Variants in RUFY1 observed in about 807,000 individuals in gnomAD.
The protein encoded by RUFY1 is RUN and FYVE domain containing 1, also known as RUN and FYVE domain-containing protein 1.
A neutral mutation model predicts 94.6 loss-of-function variants in RUFY1; 54 were observed. The observed-to-expected ratio is 0.57, with a 90% CI of 0.46 to 0.72. The LOEUF (loss-of-function observed/expected upper bound fraction) is 0.72, where lower values mean the gene tolerates loss of function less well. Ranked by LOEUF, RUFY1 falls within the 30% of genes least tolerant of loss-of-function variation. RUFY1 has a pLI of 0.00. For synonymous variants in RUFY1, 396 were observed against 347.3 expected (o/e 1.14, Z -1.56); for missense variants, 883 against 883.9 (o/e 1.00, Z 0.01).
chr5:179,603,972 G>C (rs1388255468), intron 15 of RUFY1, among the ~76,000 whole-genome samples: 1 of 152,174 alleles, frequency 6.6e-6, no homozygotes, highest in East Asian at 1.9e-4. Flanking sequence ...CAGGAGAATC[G>C]CTTGAACCTG....
chr5:179,553,526 G>A (rs532339008), intron 1 of RUFY1, among the ~76,000 whole-genome samples: 1 of 152,164 alleles, frequency 6.6e-6, no homozygotes, highest in East Asian at 1.9e-4. Flanking sequence ...GCTCACACCT[G>A]TAATCCCAGC....
Position 179,550,798 on chromosome 5 carries a change from C to G in RUFY1, c.229C>G (p.Leu77Val). The part of the protein sequence containing the change: ...LTLARRATGN[L>V]SASCGSALRA... Reference sequence around the variant, plus strand: ...CCTGGCACGCAGGGCCACCGGGAACCTGTCGGCGAGCTGCGGGAGCGCGCT... The same window carrying G: ...CCTGGCACGCAGGGCCACCGGGAACGTGTCGGCGAGCTGCGGGAGCGCGCT... The change falls in exon 1 of 18, where the codon CTG becomes GTG. Residue 77 changes from leucine to valine, a missense_variant. Physicochemically the swap from Leu to Val is conservative, Grantham distance 32. Transcript: ENST00000319449. 1 of 1,336,032 alleles carries G rather than the reference C, an allele frequency of 7.5e-7. No individual in the cohort carries two copies. The highest frequency in any genetic ancestry group is 3.2e-5 in the East Asian group (1 of 30,874). The allele number at this position is 1,336,032 out of a possible 1,614,324, so 82.8% of individuals were successfully genotyped here.
chr5:179,593,990 A>G (rs938497340), intron 11 of RUFY1, among the ~76,000 whole-genome samples: 24 of 152,194 alleles, frequency 1.6e-4, no homozygotes, highest in African/African-American at 5.3e-4. Flanking sequence ...GTTTATAGCA[A>G]GCATGGAGGA....
chr5:179,595,072 G>A (rs892488750), intron 12 of RUFY1, 109 bp downstream of exon 12: 25 of 762,480 alleles, frequency 3.3e-5, no homozygotes, highest in African/African-American at 2.6e-4. Context: ...GCTGGGCGCG[G>A]TGGCTCACGC....
At chr5:179,565,567 T>C (rs1391996369) in intron 3 of RUFY1, among the ~76,000 whole-genome samples, 3 of 151,698 alleles carry the variant, frequency 2.0e-5, no homozygotes, top group Non-Finnish European at 1.5e-5. Flanking sequence ...TAGCCTTTTT[T>C]CCATTTATTC....
chr5:179,550,761 G>A lies in RUFY1; in HGVS notation c.192G>A (p.Ala64=). Residue 64 remains alanine, a synonymous_variant, in exon 1 of 18, where the codon GCG becomes GCA. Coordinates refer to ENST00000319449, the MANE Select transcript of RUFY1 (RefSeq NM_025158.5). ...CGCGGGCGGCCGAGGGCTGGTCGGC[G>A]CCCATCCTGACCCTGGCACGCAGGG... ...TRPRAAEGWS[A]PILTLARRAT... 1 of 1,430,810 alleles carries A rather than the reference G, an allele frequency of 7.0e-7. No individual in the cohort carries two copies. The highest frequency in any genetic ancestry group is 9.2e-7 in the Non-Finnish European group (1 of 1,090,396). The allele number at this position is 1,430,810 out of a possible 1,614,324, so 88.6% of individuals were successfully genotyped here. A position where few individuals can be genotyped will look rare whatever the true frequency, so the allele number is the denominator to read the frequency against.
chr5:179,572,555 G>T (rs1763304014), intron 5 of RUFY1: 1 of 226,150 alleles, frequency 4.4e-6, no homozygotes. Context: ...CGATGGCAAG[G>T]GTGACTTTTG....
intron 15 of RUFY1, among the ~76,000 whole-genome samples, chr5:179,603,373 T>C (rs138068959): frequency 4.6e-3 from 699 of 152,040 alleles, no homozygotes; most frequent in African/African-American, 0.016. Context: ...CTCCTGTGCC[T>C]CTTACCTTTC....
At chr5:179,552,540 C>T (rs1202563955) in intron 1 of RUFY1, among the ~76,000 whole-genome samples, 1 of 152,164 alleles carries the variant, frequency 6.6e-6, no homozygotes, top group Non-Finnish European at 1.5e-5. Context: ...CTGGGCAGGC[C>T]GGGAATCTAC....
rs563730431 is a variant in RUFY1 at position 179,552,164 on chromosome 5, CAAA to C, written c.310+1306_310+1308del. Among the ~76,000 whole-genome samples, 11 of 73,446 alleles carry C rather than the reference CAAA, an allele frequency of 1.5e-4. No individual in the cohort carries two copies. In the South Asian group the frequency reaches 6.1e-3, roughly 41 times the overall value. 48.2% of individuals were successfully genotyped at this position (73,446 alleles called of 152,430 possible). A position where few individuals can be genotyped will look rare whatever the true frequency, so the allele number is the denominator to read the frequency against. On this transcript the variant is annotated intron_variant, in intron 1 of 17. Transcript: ENST00000319449. ...TGGGTGACAGAGCGAGACTCTGTCT[CAAA>C]AAAAAAAAAAAAAAAAAAAACTTGT...
At chr5:179,603,190 G>T (rs561661071) in intron 15 of RUFY1, among the ~76,000 whole-genome samples, 2 of 151,916 alleles carry the variant, frequency 1.3e-5, no homozygotes, top group Non-Finnish European at 2.9e-5. Context: ...GCTTGAACCC[G>T]GGAGGCAGAG....
At chr5:179,565,960 G>A (rs1762800520) in intron 3 of RUFY1, among the ~76,000 whole-genome samples, 2 of 151,958 alleles carry the variant, frequency 1.3e-5, no homozygotes, top group African/African-American at 4.8e-5. Context: ...TGGACAATGT[G>A]GCAAAACCCC....
At chr5:179,551,918 C>A (rs1414983209) in intron 1 of RUFY1, among the ~76,000 whole-genome samples, 2 of 151,572 alleles carry the variant, frequency 1.3e-5, no homozygotes, top group East Asian at 3.9e-4. Flanking sequence ...GTAATCCCAG[C>A]ACTTTGGGAG....
chr5:179,585,965 G>C, intron 8 of RUFY1, 100 bp downstream of exon 8: 1 of 944,052 alleles, frequency 1.1e-6, no homozygotes, highest in Non-Finnish European at 1.7e-6. Flanking sequence ...CTGCTGGTAG[G>C]AAGGGGACTT....
At chr5:179,559,795 G>T in intron 1 of RUFY1, 1 of 1,283,696 alleles carries the variant, frequency 7.8e-7, no homozygotes, top group East Asian at 3.3e-5. Flanking sequence ...TCTGGAGCAG[G>T]AGGCCCAGTG....
At chr5:179,593,970 A>G (rs1731169659) in intron 11 of RUFY1, among the ~76,000 whole-genome samples, 1 of 150,510 alleles carries the variant, frequency 6.6e-6, no homozygotes, top group Admixed American at 6.6e-5. Context: ...TTCTATTTCA[A>G]CGATTTATTG....
At chr5:179,566,859 C>T (rs1353890151) in intron 3 of RUFY1, among the ~76,000 whole-genome samples, 2 of 151,934 alleles carry the variant, frequency 1.3e-5, no homozygotes, top group Non-Finnish European at 2.9e-5. Context: ...AATTTGAGAC[C>T]AGCTTGGCTA....
chr5:179,585,937 C>G (rs1008420293), intron 8 of RUFY1, 72 bp downstream of exon 8: 11 of 1,224,740 alleles, frequency 9.0e-6, no homozygotes, highest in Non-Finnish European at 1.3e-5. Flanking sequence ...TGTAGTCGGT[C>G]TGCGATAGCA....
rs1330689312 is a variant in RUFY1, at chr5:179,594,813, A to T, written c.1414-53A>T. 1.4e-5 allele frequency: 13 copies of T among 957,590 alleles called. No individual in the cohort carries two copies. In the South Asian group the frequency reaches 1.5e-4, roughly 11 times the overall value. 59.3% of individuals were successfully genotyped at this position (957,590 alleles called of 1,614,324 possible). A position where few individuals can be genotyped will look rare whatever the true frequency, so the allele number is the denominator to read the frequency against. On this transcript the variant is annotated intron_variant, in intron 11 of 17. Transcript: ENST00000319449. ...ATAAGCCCTGTTTGTAATCCAGAGC[A>T]GGTGCAAGGATGTGGGACAGGCAGA...
Sources: allele counts gnomAD v4.1 joint callset (sites outside exome capture counted in the v4.1 genomes callset), GRCh38; gene constraint gnomAD v4.1.1; transcripts MANE v1.5; gene names NCBI Gene and HGNC (gene_info 2026-07-23, HGNC 2026-07-21).